Variants in NRG3 observed in about 807,000 individuals in gnomAD.
NRG3 encodes neuregulin 3.
In NRG3, 31 loss-of-function variants were observed where a neutral mutation model predicts 66.9. That is an observed-to-expected ratio of 0.46 (90% confidence interval 0.35 to 0.63). The LOEUF is 0.63. NRG3 is among the 20% of genes least tolerant of loss of function. NRG3 has a pLI of 0.00. For missense variants in NRG3, 910 were observed against 878.9 expected (o/e 1.04, Z -0.45); for synonymous variants, 393 against 359.4 (o/e 1.09, Z -1.06).
intron 2 of NRG3, among the ~76,000 whole-genome samples, chr10:82,426,034 C>A (rs139639960): frequency 9.9e-4 from 151 of 152,262 alleles, no homozygotes; most frequent in African/African-American, 3.4e-3. Flanking sequence ...TAAGGTAAAA[C>A]GGGTTTTGCT....
chr10:82,317,681 A>G (rs1341328327), intron 1 of NRG3, among the ~76,000 whole-genome samples: 1 of 152,228 alleles, frequency 6.6e-6, no homozygotes, highest in African/African-American at 2.4e-5. Flanking sequence ...TGTTTGTGGC[A>G]TCACAGGTGG....
intron 4 of NRG3, among the ~76,000 whole-genome samples, chr10:82,946,691 G>A (rs1009165916): frequency 2.6e-5 from 4 of 151,956 alleles, no homozygotes; most frequent in African/African-American, 9.7e-5. Flanking sequence ...AAGAATTTTA[G>A]GTATTATAAG....
intron 1 of NRG3, among the ~76,000 whole-genome samples, chr10:82,065,239 A>G (rs2064386628): frequency 6.6e-6 from 1 of 152,174 alleles, no homozygotes; most frequent in South Asian, 2.1e-4. Flanking sequence ...AATAGCAAGC[A>G]CAAGCAGGAG....
At chr10:82,324,849 G>C (rs763463507) in intron 1 of NRG3, among the ~76,000 whole-genome samples, 1 of 152,152 alleles carries the variant, frequency 6.6e-6, no homozygotes, top group Non-Finnish European at 1.5e-5. Flanking sequence ...CCTAGTAAAT[G>C]TGGCATGCAC....
chr10:81,913,750 T>C (rs1443559805), intron 1 of NRG3, among the ~76,000 whole-genome samples: 1 of 152,110 alleles, frequency 6.6e-6, no homozygotes, highest in Non-Finnish European at 1.5e-5. Context: ...AGATGGTTGG[T>C]GAATCCACGT....
At chr10:82,077,333 T>C (rs2065145672) in intron 1 of NRG3, among the ~76,000 whole-genome samples, 1 of 152,234 alleles carries the variant, frequency 6.6e-6, no homozygotes, top group African/African-American at 2.4e-5. Flanking sequence ...TAATTACCCT[T>C]AATTAAATTC....
chr10:82,021,062 A>G (rs565559017), intron 1 of NRG3, among the ~76,000 whole-genome samples: 4 of 152,086 alleles, frequency 2.6e-5, no homozygotes, highest in African/African-American at 9.6e-5. Flanking sequence ...TGTGAGTCCT[A>G]TATTTAGGAC....
At chr10:81,877,651 C>G in intron 1 of NRG3, 1 of 1,227,684 alleles carries the variant, frequency 8.1e-7, no homozygotes, top group Non-Finnish European at 1.0e-6. Context: ...ACCTACTTTG[C>G]TTTGGAAAAA....
intron 1 of NRG3, among the ~76,000 whole-genome samples, chr10:82,097,893 A>C (rs1235137616): frequency 6.6e-6 from 1 of 152,116 alleles, no homozygotes; most frequent in African/African-American, 2.4e-5. Context: ...ATTTGCCACC[A>C]GTATATATTC....
At chr10:82,594,286 A>G (rs979437073) in intron 2 of NRG3, among the ~76,000 whole-genome samples, 5 of 152,184 alleles carry the variant, frequency 3.3e-5, no homozygotes, top group Admixed American at 6.5e-5. Flanking sequence ...TCATTTCTGC[A>G]CAAATTCATG....
chr10:82,398,724 C>T (rs2086889067), intron 2 of NRG3, among the ~76,000 whole-genome samples: 1 of 152,022 alleles, frequency 6.6e-6, no homozygotes, highest in Non-Finnish European at 1.5e-5. Context: ...TATAGCAAAG[C>T]AAGGGTGAGT....
intron 2 of NRG3, among the ~76,000 whole-genome samples, chr10:82,738,159 T>A (rs1287178372): frequency 6.6e-6 from 1 of 152,008 alleles, no homozygotes; most frequent in Non-Finnish European, 1.5e-5. Flanking sequence ...AAATCAATAA[T>A]AGATCCATTA....
At chr10:82,159,982 AAAG>A (rs967711647) in intron 1 of NRG3, among the ~76,000 whole-genome samples, 10 of 151,940 alleles carry the variant, frequency 6.6e-5, no homozygotes, top group African/African-American at 2.4e-4. Flanking sequence ...CTTCATGAAT[AAAG>A]AAACATCTTG....
intron 2 of NRG3, among the ~76,000 whole-genome samples, chr10:82,598,248 A>C (rs958175263): frequency 6.6e-6 from 1 of 152,252 alleles, no homozygotes; most frequent in Admixed American, 6.5e-5. Context: ...CATGTAGACA[A>C]ATCTATACAT....
chr10:82,077,065 A>G (rs2065130295), intron 1 of NRG3, among the ~76,000 whole-genome samples: 1 of 152,220 alleles, frequency 6.6e-6, no homozygotes, highest in Non-Finnish European at 1.5e-5. Context: ...TGGCAAAATG[A>G]TAGCAAATAA....
chr10:82,161,892 T>G (rs2071631330), intron 1 of NRG3, among the ~76,000 whole-genome samples: 1 of 152,176 alleles, frequency 6.6e-6, no homozygotes, highest in African/African-American at 2.4e-5. Context: ...ACTCCATTGC[T>G]TCTTAGATTC....
At chr10:82,125,602 A>G (rs1037174969) in intron 1 of NRG3, among the ~76,000 whole-genome samples, 1 of 151,994 alleles carries the variant, frequency 6.6e-6, no homozygotes, top group Non-Finnish European at 1.5e-5. Flanking sequence ...GTTAACCCCA[A>G]ATGTATATTT....
chr10:82,113,946 T>C (rs2067540320), intron 1 of NRG3, among the ~76,000 whole-genome samples: 1 of 152,150 alleles, frequency 6.6e-6, no homozygotes, highest in South Asian at 2.1e-4. Flanking sequence ...TATAGAAACA[T>C]GTATGCTTTC....
intron 2 of NRG3, among the ~76,000 whole-genome samples, chr10:82,419,722 C>T (rs934248786): frequency 6.6e-6 from 1 of 152,150 alleles, no homozygotes; most frequent in Non-Finnish European, 1.5e-5. Flanking sequence ...TAGGAATAGA[C>T]ATTTTTACAA....
Sources: allele counts gnomAD v4.1 joint callset (sites outside exome capture counted in the v4.1 genomes callset), GRCh38; gene constraint gnomAD v4.1.1; transcripts MANE v1.5; gene names NCBI Gene and HGNC (gene_info 2026-07-23, HGNC 2026-07-21).